Variants in MRTFA observed in about 807,000 individuals in gnomAD.
MRTFA encodes myocardin-related transcription factor A.
A neutral mutation model predicts 83.5 loss-of-function variants in MRTFA; 20 were observed. The ratio of observed to expected loss-of-function variants is 0.24; its 90% CI spans 0.17 to 0.35. The LOEUF is 0.35. Ranked by LOEUF, MRTFA falls within the 10% of genes least tolerant of loss-of-function variation. The probability of loss-of-function intolerance (pLI) is 1.00; values close to 1 mark genes in which losing one functional copy is unlikely to be tolerated. For synonymous variants in MRTFA, 659 were observed against 541.2 expected, an observed-to-expected ratio of 1.22 and a Z score of -3.02; for missense variants, 1,200 against 1,224.7, an observed-to-expected ratio of 0.98 and a Z score of 0.30.
intron 4 of MRTFA, among the ~76,000 whole-genome samples, chr22:40,438,086 C>T (rs2147105402): frequency 6.6e-6 from 1 of 152,314 alleles, no homozygotes; most frequent in East Asian, 1.9e-4. Context: ...CGAAACCTCA[C>T]AGAAGTTCTG....
At chr22:40,575,415 A>C (rs1374849543) in intron 2 of MRTFA, among the ~76,000 whole-genome samples, 1 of 152,258 alleles carries the variant, frequency 6.6e-6, no homozygotes, top group Non-Finnish European at 1.5e-5. Flanking sequence ...GGCATTTCTC[A>C]GAAAAATATT....
chr22:40,411,288 C>G lies in MRTFA; in HGVS notation c.*102G>C. 7.9e-7 allele frequency: 1 copy of G among 1,272,588 alleles called. No homozygotes were observed. Among genetic ancestry groups the G allele is most frequent in the South Asian group, 1.6e-5 (1 of 64,294 alleles). The allele number at this position is 1,272,588 out of a possible 1,614,324, so 78.8% of individuals were successfully genotyped here. A position where few individuals can be genotyped will look rare whatever the true frequency, so the allele number is the denominator to read the frequency against. ...GGGAAAAAGCAGGGGCTGTGATTGT[C>G]AAGACTCACAACCATGTGGAGAGGC... On this transcript the variant is annotated 3_prime_UTR_variant, in exon 15 of 15. Transcript: ENST00000355630.
intron 5 of MRTFA, among the ~76,000 whole-genome samples, chr22:40,433,869 T>G (rs1357493514): frequency 6.6e-6 from 1 of 152,262 alleles, no homozygotes; most frequent in Non-Finnish European, 1.5e-5. Flanking sequence ...GGAAGTCATT[T>G]GTGAATAGAT....
At chr22:40,421,561 A>G (rs1223205420) in intron 9 of MRTFA, among the ~76,000 whole-genome samples, 1 of 152,096 alleles carries the variant, frequency 6.6e-6, no homozygotes, top group East Asian at 1.9e-4. Context: ...AAAATGGTGA[A>G]CGGGCTCAAA....
chr22:40,615,453 C>T (rs2056437482), intron 1 of MRTFA, among the ~76,000 whole-genome samples: 1 of 151,998 alleles, frequency 6.6e-6, no homozygotes, highest in East Asian at 1.9e-4. Flanking sequence ...ATTATAGGTC[C>T]CTTGTATTTC....
intron 12 of MRTFA, among the ~76,000 whole-genome samples, chr22:40,417,911 G>C (rs2052720682): frequency 6.6e-6 from 1 of 152,184 alleles, no homozygotes. Flanking sequence ...CCTGGGCTGA[G>C]AGAGGGTCTG....
In MRTFA at chr22:40,475,435, G is replaced by A. The variant is rs150346516; in HGVS notation, c.242-12149C>T. 6.6e-5 allele frequency among the ~76,000 whole-genome samples: 10 copies of A among 152,208 alleles called. No individual in the cohort carries two copies. The East Asian group carries it at 7.8e-4, about 12-fold the overall frequency. On this transcript the variant is annotated intron_variant, in intron 3 of 14. Transcript: ENST00000355630. The stretch of plus-strand genomic sequence containing the variant: ...GCTTGTAATCCCAGCTACCAGGGAG[G>A]CTGTGGCAGGAGAATGGCTTGAATC...
chr22:40,429,787 G>A lies in MRTFA; in HGVS notation c.440-20C>T. ...AGGTCTCTGCCCATGGGAGAGAAAG[G>A]GGTGCAGGAAGATATATGAGTGGAC... On this transcript the variant is annotated intron_variant, in intron 6 of 14. Coordinates refer to ENST00000355630, the MANE Select transcript of MRTFA (RefSeq NM_020831.6). 1 of 1,596,564 alleles carries A rather than the reference G, an allele frequency of 6.3e-7. No homozygotes were observed. The highest frequency in any genetic ancestry group is 8.5e-7 in the Non-Finnish European group (1 of 1,172,210).
At chr22:40,537,019 G>GC (rs1263453508) in intron 3 of MRTFA, among the ~76,000 whole-genome samples, 1 of 89,928 alleles carries the variant, frequency 1.1e-5, no homozygotes. Flanking sequence ...AGGTGGGGGG[G>GC]GGTCAGCCCC....
rs200627669 is a variant in MRTFA, at chr22:40,424,244, C to T, written c.739G>A (p.Glu247Lys). ...GCAGAGGTGGCACTGAGCAGTGGTT[C>T]GCTGACTCGGGCCTCCAGGGGTGAC... Residue 247 changes from glutamate (E) to lysine (K), a missense_variant, in exon 8 of 15, where the codon GAA (glutamate) becomes AAA (lysine). By Grantham distance (56) the Glu-to-Lys change is moderately conservative. Around this residue, in one of 2 missense-constraint regions of MRTFA, gnomAD observed 1,107 missense variants for 1,041.8 expected, o/e 1.06. Coordinates refer to ENST00000355630, the MANE Select transcript of MRTFA (RefSeq NM_020831.6). 6.4e-5 allele frequency: 103 copies of T among 1,606,716 alleles called. No homozygotes were observed. The Admixed American group carries it at 1.5e-3, about 24-fold the overall frequency.
intron 3 of MRTFA, among the ~76,000 whole-genome samples, chr22:40,516,167 C>T (rs900885993): frequency 6.6e-6 from 1 of 151,938 alleles, no homozygotes; most frequent in Non-Finnish European, 1.5e-5. Flanking sequence ...CCTGTAATCC[C>T]AACACTTTTG....
chr22:40,473,821 T>A (rs1449243670), intron 3 of MRTFA, among the ~76,000 whole-genome samples: 1 of 152,238 alleles, frequency 6.6e-6, no homozygotes, highest in African/African-American at 2.4e-5. Flanking sequence ...AATCATTTAG[T>A]GGCATCCAAA....
In MRTFA at chr22:40,416,931, A is replaced by G. The variant is rs575825680; in HGVS notation, c.2578+55T>C. ...TAAAAACAAACCAACCCAGGGCTAGAGACACCTATGAACAGAGAAGGCCGT... is the reference window on the plus strand; with the variant it reads ...TAAAAACAAACCAACCCAGGGCTAGGGACACCTATGAACAGAGAAGGCCGT... On this transcript the variant is annotated intron_variant, in intron 14 of 14. Transcript: ENST00000355630. The surrounding 1 kb of genome is among the most constrained non-coding windows in gnomAD (Gnocchi z 4.2). The G allele has an allele frequency of 4.6e-6, 7 of 1,511,264 alleles. No individual in the cohort carries two copies. The Admixed American group carries it at 9.9e-5, about 21-fold the overall frequency. 93.6% of individuals were successfully genotyped at this position (1,511,264 alleles called of 1,614,324 possible).
At chr22:40,547,864 A>C (rs577310625) in intron 3 of MRTFA, among the ~76,000 whole-genome samples, 87 of 151,670 alleles carry the variant, frequency 5.7e-4, no homozygotes, top group Non-Finnish European at 1.1e-3. Flanking sequence ...AAAAAAAAAA[A>C]AAAAAAAGAA....
intron 3 of MRTFA, among the ~76,000 whole-genome samples, chr22:40,487,031 A>C (rs1300218861): frequency 6.6e-6 from 1 of 152,222 alleles, no homozygotes. Context: ...TTCACTACAC[A>C]AGAGACTAAC....
At chr22:40,548,868 T>C (rs1352708291) in intron 3 of MRTFA, among the ~76,000 whole-genome samples, 3 of 149,182 alleles carry the variant, frequency 2.0e-5, no homozygotes, top group Non-Finnish European at 4.5e-5. Flanking sequence ...GTCTCAAAAA[T>C]ATATATATAC....
At chr22:40,533,328 CAAAG>C (rs2147279238) in intron 3 of MRTFA, among the ~76,000 whole-genome samples, 1 of 152,188 alleles carries the variant, frequency 6.6e-6, no homozygotes, top group East Asian at 1.9e-4. Flanking sequence ...TTAAAGAAGA[CAAAG>C]AGTTTTTTTT....
chr22:40,552,358 T>C lies in MRTFA; in HGVS notation c.-12A>G. The C allele has an allele frequency of 2.5e-6, 1 of 398,998 alleles. No individual in the cohort carries two copies. Among genetic ancestry groups the C allele is most frequent in the Non-Finnish European group, 4.4e-6 (1 of 226,036 alleles). The allele number at this position is 398,998 out of a possible 1,614,324, so 24.7% of individuals were successfully genotyped here. Reference sequence around the variant, plus strand: ...CTGGAGAAATCCACTTTGGCTTTCGTGATGGCAATCTGGAAATGGAAGAAA... The same window carrying C: ...CTGGAGAAATCCACTTTGGCTTTCGCGATGGCAATCTGGAAATGGAAGAAA... On this transcript the variant is annotated 5_prime_UTR_variant, in exon 3 of 15. Coordinates refer to ENST00000355630, the MANE Select transcript of MRTFA (RefSeq NM_020831.6).
intron 4 of MRTFA, among the ~76,000 whole-genome samples, chr22:40,447,153 C>T (rs922514849): frequency 1.3e-5 from 2 of 151,760 alleles, no homozygotes; most frequent in Admixed American, 1.3e-4. Flanking sequence ...GTCAGAAGTT[C>T]AAGACCAGCC....
Sources: gnomAD v4.1 joint callset for allele counts (sites outside exome capture counted in the v4.1 genomes callset) on GRCh38, gnomAD v4.1.1 for gene constraint, gnomAD v4.1.1 regional missense constraint, Gnocchi (gnomAD v3.1) non-coding constraint, MANE v1.5 for transcripts, NCBI Gene and HGNC (gene_info 2026-07-23, HGNC 2026-07-21) for gene names.